Variants in RICTOR observed in about 807,000 individuals in gnomAD.
RICTOR encodes the protein rapamycin-insensitive companion of mTOR.
In RICTOR, 49 loss-of-function variants were observed where a neutral mutation model predicts 214.9. The ratio of observed to expected loss-of-function variants is 0.23; its 90% CI spans 0.18 to 0.29. The LOEUF (loss-of-function observed/expected upper bound fraction) is 0.29. RICTOR is among the 10% of genes least tolerant of loss of function. The probability of loss-of-function intolerance (pLI) is 1.00; values close to 1 mark genes in which losing one functional copy is unlikely to be tolerated. For missense variants in RICTOR, 1,625 were observed against 2,047.0 expected, an observed-to-expected ratio of 0.79 and a Z score of 3.98; for synonymous variants, 717 against 711.3, an observed-to-expected ratio of 1.01 and a Z score of -0.13.
intron 2 of RICTOR, among the ~76,000 whole-genome samples, chr5:39,039,946 A>G (rs968584491): frequency 6.6e-6 from 1 of 152,044 alleles, no homozygotes; most frequent in Non-Finnish European, 1.5e-5. Context: ...ATACCATTTG[A>G]CCCAGCCATC....
At chr5:38,974,066 T>C (rs897148238) in intron 10 of RICTOR, among the ~76,000 whole-genome samples, 6 of 151,524 alleles carry the variant, frequency 4.0e-5, no homozygotes, top group Admixed American at 2.6e-4. Flanking sequence ...TTCTTTTTTT[T>C]TGAGACAGAG....
intron 2 of RICTOR, among the ~76,000 whole-genome samples, chr5:39,042,519 G>C (rs1757241216): frequency 6.6e-6 from 1 of 152,174 alleles, no homozygotes; most frequent in Non-Finnish European, 1.5e-5. Flanking sequence ...AACTTAAGCT[G>C]TATGACTCCA....
intron 10 of RICTOR, among the ~76,000 whole-genome samples, chr5:38,973,443 T>C (rs1315883623): frequency 6.6e-6 from 1 of 152,210 alleles, no homozygotes; most frequent in Non-Finnish European, 1.5e-5. Context: ...AGATATATAA[T>C]ACAGCAAATA....
At chr5:39,063,473 T>C (rs1420455444) in intron 2 of RICTOR, among the ~76,000 whole-genome samples, 2 of 152,220 alleles carry the variant, frequency 1.3e-5, no homozygotes, top group African/African-American at 2.4e-5. Flanking sequence ...GAGCTCTACC[T>C]ATTTGAATTG....
chr5:39,010,241 T>G (rs1754399660), intron 3 of RICTOR, among the ~76,000 whole-genome samples: 1 of 152,186 alleles, frequency 6.6e-6, no homozygotes, highest in Non-Finnish European at 1.5e-5. Context: ...TTTTCCCTCC[T>G]GCTGCCATGT....
At chr5:38,987,077 C>T (rs902645447) in intron 7 of RICTOR, among the ~76,000 whole-genome samples, 2 of 152,176 alleles carry the variant, frequency 1.3e-5, no homozygotes, top group Admixed American at 1.3e-4. Context: ...ATGTGGCCAA[C>T]TTGATCGTGG....
chr5:39,030,066 A>G (rs915692286), intron 2 of RICTOR, among the ~76,000 whole-genome samples: 1 of 152,196 alleles, frequency 6.6e-6, no homozygotes, highest in East Asian at 1.9e-4. Flanking sequence ...TGATCACATT[A>G]GATATTCCAT....
At chr5:38,942,526 T>C (rs376248273) in intron 37 of RICTOR, 148 bp from the exon 38 acceptor site, 504 of 492,998 alleles carry the variant, frequency 1.0e-3, no homozygotes, top group Non-Finnish European at 1.4e-3. Context: ...TCTTTGTTCA[T>C]TGCAACCTCT....
intron 5 of RICTOR, 144 bp from the exon 6 acceptor site, chr5:38,997,026 T>C (rs1334896068): frequency 3.2e-6 from 2 of 619,258 alleles, no homozygotes; most frequent in Non-Finnish European, 5.8e-6. Flanking sequence ...TACCAGCATA[T>C]ATTTATTTAA....
intron 2 of RICTOR, among the ~76,000 whole-genome samples, chr5:39,037,570 G>C (rs1291427270): frequency 6.6e-6 from 1 of 152,034 alleles, no homozygotes; most frequent in Non-Finnish European, 1.5e-5. Context: ...TAGAACGCTA[G>C]CAAGACTAAT....
At chr5:38,985,209 C>A (rs1000903994) in intron 7 of RICTOR, among the ~76,000 whole-genome samples, 17 of 152,210 alleles carry the variant, frequency 1.1e-4, no homozygotes, top group Admixed American at 6.5e-5. Flanking sequence ...TACCAAAATT[C>A]TCAGATGCTC....
chr5:38,944,623 T>G, intron 35 of RICTOR, 54 bp from the exon 36 acceptor site: 2 of 1,429,236 alleles, frequency 1.4e-6, no homozygotes, highest in African/African-American at 2.9e-5. Flanking sequence ...ATAAAATGAT[T>G]AAAACTCATG....
At chr5:38,964,421 A>T (rs1344749096) in intron 16 of RICTOR, among the ~76,000 whole-genome samples, 1 of 151,806 alleles carries the variant, frequency 6.6e-6, no homozygotes, top group African/African-American at 2.4e-5. Context: ...CAAATAAAAG[A>T]ATATATTAAT....
At chr5:39,002,741 T>C (rs1293854574) in intron 4 of RICTOR, 75 bp from the exon 5 acceptor site, 2 of 1,443,014 alleles carry the variant, frequency 1.4e-6, no homozygotes, top group Non-Finnish European at 1.9e-6. Context: ...TACCAAATTA[T>C]TCCTCAGCCA....
chr5:38,993,329 G>A (rs910923354), intron 6 of RICTOR, among the ~76,000 whole-genome samples: 4 of 152,154 alleles, frequency 2.6e-5, no homozygotes, highest in South Asian at 2.1e-4. Flanking sequence ...AAAAATGACA[G>A]CTCAAATTAG....
intron 2 of RICTOR, among the ~76,000 whole-genome samples, chr5:39,067,031 C>T (rs1167007380): frequency 6.6e-6 from 1 of 152,226 alleles, no homozygotes; most frequent in Non-Finnish European, 1.5e-5. Flanking sequence ...TTCAAAGCTG[C>T]TTCCATATTT....
intron 10 of RICTOR, among the ~76,000 whole-genome samples, chr5:38,974,029 A>T (rs1751001600): frequency 6.6e-6 from 1 of 152,158 alleles, no homozygotes; most frequent in Admixed American, 6.5e-5. Flanking sequence ...ATAGAAAGGT[A>T]GAAGACTCCC....
intron 7 of RICTOR, among the ~76,000 whole-genome samples, chr5:38,990,639 C>CATATATCAGATATATGATATATATCAGAT (rs1752587510): frequency 1.2e-5 from 1 of 82,298 alleles, no homozygotes; most frequent in Admixed American, 1.3e-4. Context: ...ATATATCTGA[C>CATATATCAGATATATGATATATATCAGAT]ATATATCAGA....
Position 39,020,180 on chromosome 5 carries a change from C to T in RICTOR, c.195+859G>A, listed in dbSNP as rs556748268. ...ATGAAATCTATTCCTGGTGAAGATGCTATGAACACTGTTGAAATGACAACA... is the reference window on the plus strand; with the variant it reads ...ATGAAATCTATTCCTGGTGAAGATGTTATGAACACTGTTGAAATGACAACA... On this transcript the variant is annotated intron_variant, in intron 3 of 37. Coordinates refer to ENST00000357387, the MANE Select transcript of RICTOR (RefSeq NM_152756.5). Among the ~76,000 whole-genome samples the T allele has an allele frequency of 3.2e-3, 480 of 152,224 alleles. 1 individual carries two copies. Among genetic ancestry groups the T allele is most frequent in the Middle Eastern group, 0.01 (3 of 294 alleles).
Sources: allele counts gnomAD v4.1 joint callset (sites outside exome capture counted in the v4.1 genomes callset), GRCh38; gene constraint gnomAD v4.1.1; transcripts MANE v1.5; gene names NCBI Gene and HGNC (gene_info 2026-07-23, HGNC 2026-07-21).